The following DMD variants were observed in gnomAD, a reference collection of about 807,000 sequenced individuals.
DMD encodes the protein dystrophin.
Under a neutral mutation model 330.1 loss-of-function variants are expected in DMD, and 63 were observed. The observed-to-expected ratio is 0.19, with a 90% CI of 0.16 to 0.24. DMD has a LOEUF of 0.24. Ranked by LOEUF, DMD falls within the 10% of genes least tolerant of loss-of-function variation. The pLI, the probability that DMD is intolerant of heterozygous loss-of-function variation, is 1.00. For synonymous variants in DMD, 1,223 were observed against 959.8 expected (o/e 1.27, Z -5.07); for missense variants, 3,344 against 2,684.1 (o/e 1.25, Z -5.43).
intron 2 of DMD, among the ~76,000 whole-genome samples, chrX:32,864,049 C>T (rs1462756995): frequency 8.9e-6 from 1 of 112,582 alleles, no homozygotes; most frequent in East Asian, 2.8e-4. Flanking sequence ...TCTGTCACTG[C>T]TATGCTTTAT....
intron 55 of DMD, among the ~76,000 whole-genome samples, chrX:31,568,105 T>C (rs1002541921): frequency 2.7e-5 from 3 of 111,855 alleles, no homozygotes; most frequent in African/African-American, 9.7e-5. Flanking sequence ...CTTTCTCTTA[T>C]TGATTTCTAG....
At chrX:31,368,946 C>T (rs1054027969) in intron 60 of DMD, among the ~76,000 whole-genome samples, 3 of 111,475 alleles carry the variant, frequency 2.7e-5, no homozygotes, top group African/African-American at 9.8e-5. Flanking sequence ...ATGCCCGGCC[C>T]GAGGTCCCTT....
At chrX:32,742,737 C>A (rs1384278398) in intron 7 of DMD, among the ~76,000 whole-genome samples, 2 of 111,895 alleles carry the variant, frequency 1.8e-5, no homozygotes, top group Non-Finnish European at 3.8e-5. Context: ...AGGCTGGGGC[C>A]AAGAATCAAG....
chrX:31,928,123 C>T (rs748738613), intron 47 of DMD, among the ~76,000 whole-genome samples: 1 of 111,589 alleles, frequency 9.0e-6, no homozygotes, highest in African/African-American at 3.3e-5. Context: ...ATAGATGAAC[C>T]TTGAAAATAT....
chrX:31,508,429 C>T, intron 55 of DMD: 2 of 370,869 alleles, frequency 5.4e-6, no homozygotes, highest in East Asian at 4.7e-5. Context: ...TAAACAGTAG[C>T]CAGGCGTGTG....
intron 12 of DMD, among the ~76,000 whole-genome samples, chrX:32,607,232 AG>A (rs771323826): frequency 7.9e-4 from 87 of 110,407 alleles, no homozygotes; most frequent in African/African-American, 2.5e-3. Context: ...GTAGGTGGTG[AG>A]GAAATGCTTA....
At chrX:31,548,317 A>C (rs1034993809) in intron 55 of DMD, among the ~76,000 whole-genome samples, 1 of 111,157 alleles carries the variant, frequency 9.0e-6, no homozygotes, top group Admixed American at 9.6e-5. Context: ...AGACAACTGC[A>C]TTTTCATAAG....
chrX:32,342,704 G>A (rs1288871603), intron 40 of DMD: 1 of 265,009 alleles, frequency 3.8e-6, no homozygotes, highest in Non-Finnish European at 6.8e-6. Context: ...AATAAAAAGT[G>A]TAAAATAATA....
At chrX:32,599,006 G>GTA (rs1442056957) in intron 12 of DMD, among the ~76,000 whole-genome samples, 1 of 111,600 alleles carries the variant, frequency 9.0e-6, no homozygotes, top group East Asian at 2.8e-4. Context: ...GTTATTTCCA[G>GTA]TATCTCTTCT....
In DMD at chrX:31,598,759, C is replaced by A. The variant is rs777393694; in HGVS notation, c.8217+28914G>T. Reference sequence around the variant, plus strand: ...AGAAATGTAGTATCTGAAATATCTGCAACTAGTTAGGTTTAAGAAAAGAAA... The same window carrying A: ...AGAAATGTAGTATCTGAAATATCTGAAACTAGTTAGGTTTAAGAAAAGAAA... On this transcript the variant is annotated intron_variant, in intron 55 of 78. Transcript: ENST00000357033. Among the ~76,000 whole-genome samples, 13 of 111,662 alleles carry A rather than the reference C, an allele frequency of 1.2e-4. No individual in the cohort carries two copies. In the South Asian group the frequency reaches 4.9e-3, roughly 42 times the overall value.
intron 2 of DMD, among the ~76,000 whole-genome samples, chrX:32,955,297 G>A (rs1208183684): frequency 4.5e-5 from 5 of 111,796 alleles, no homozygotes; most frequent in African/African-American, 6.5e-5. Context: ...GATTAGTGAT[G>A]TTGAGCTTTT....
intron 32 of DMD, among the ~76,000 whole-genome samples, chrX:32,387,344 A>G (rs1349173658): frequency 9.0e-6 from 1 of 111,071 alleles, no homozygotes; most frequent in Non-Finnish European, 1.9e-5. Context: ...GTATTCAAAT[A>G]TATGTACGTG....
At position 32,729,711 on chromosome X, in the gene DMD, G is replaced by A. The variant is rs1003039555; in HGVS notation, c.650-30418C>T. ...TATTTGTATACTTATGTCTCTTAAG[G>A]AGCTTTTTATACTAAGAAATTCAGA... On this transcript the variant is annotated intron_variant, in intron 7 of 78. Coordinates refer to ENST00000357033, the MANE Select transcript of DMD (RefSeq NM_004006.3). 8.7e-4 allele frequency among the ~76,000 whole-genome samples: 95 copies of A among 109,781 alleles called. 1 individual carries two copies. Among genetic ancestry groups the A allele is most frequent in the African/African-American group, 3.1e-3 (92 of 29,806 alleles).
chrX:32,559,964 G>A (rs1228758835), intron 16 of DMD, among the ~76,000 whole-genome samples: 1 of 110,992 alleles, frequency 9.0e-6, no homozygotes, highest in African/African-American at 3.3e-5. Context: ...GAACTGCCAT[G>A]TACAAGAAGA....
At chrX:32,272,588 G>C (rs1415962682) in intron 43 of DMD, among the ~76,000 whole-genome samples, 1 of 111,711 alleles carries the variant, frequency 9.0e-6, no homozygotes, top group African/African-American at 3.2e-5. Flanking sequence ...CTATGTAGTG[G>C]AAAAGAATTC....
intron 43 of DMD, among the ~76,000 whole-genome samples, chrX:32,274,334 A>G (rs933998621): frequency 8.9e-5 from 10 of 112,200 alleles, no homozygotes; most frequent in Non-Finnish European, 1.9e-4. Context: ...GACTGGGGAT[A>G]TTGATCTATG....
chrX:33,324,733 A>G lies in DMD; in HGVS notation c.7+14526T>C, dbSNP rs772685295. 3.6e-5 allele frequency among the ~76,000 whole-genome samples: 4 copies of G among 111,602 alleles called. No individual in the cohort carries two copies. The East Asian group carries it at 1.1e-3, about 32-fold the overall frequency. On this transcript the variant is annotated intron_variant, in intron 1 of 17. Coordinates refer to the DMD transcript ENST00000288447. Reference sequence around the variant, plus strand: ...TGCATTTATTCTCTATCTTTGTTATATTAAAGATTGTCAATGTTTTCCCTT... The same window carrying G: ...TGCATTTATTCTCTATCTTTGTTATGTTAAAGATTGTCAATGTTTTCCCTT...
intron 2 of DMD, among the ~76,000 whole-genome samples, chrX:32,880,242 T>C (rs2149198012): frequency 9.2e-6 from 1 of 108,607 alleles, no homozygotes; most frequent in South Asian, 4.1e-4. Flanking sequence ...AGCATTTTTT[T>C]TTTTTTTTAA....
intron 44 of DMD, among the ~76,000 whole-genome samples, chrX:32,116,211 T>C (rs2096610096): frequency 9.0e-6 from 1 of 111,272 alleles, no homozygotes; most frequent in African/African-American, 3.3e-5. Flanking sequence ...TGGAATGTTT[T>C]TGCCCAAATT....
Sources: allele counts gnomAD v4.1 joint callset (sites outside exome capture counted in the v4.1 genomes callset), GRCh38; gene constraint gnomAD v4.1.1; transcripts MANE v1.5; gene names NCBI Gene and HGNC (gene_info 2026-07-23, HGNC 2026-07-21).